Variants in MTBP observed in about 807,000 individuals in gnomAD.
MTBP encodes the protein MDM2 binding protein.
A neutral mutation model predicts 117.0 loss-of-function variants in MTBP; 101 were observed. That is an observed-to-expected ratio of 0.86 (90% CI 0.73 to 1.02). MTBP has a LOEUF of 1.02. Among genes scored for constraint, MTBP ranks in the 50% least tolerant of loss-of-function variants. The pLI is 0.00. For missense variants in MTBP, 970 were observed against 1,030.9 expected (o/e 0.94, Z 0.81); for synonymous variants, 350 against 351.5 (o/e 1.00, Z 0.05).
rs77358246 is a variant in MTBP at position 120,457,071 on chromosome 8, C to T, written c.747+401C>T. Among the ~76,000 whole-genome samples the T allele has an allele frequency of 2.1e-3, 316 of 152,244 alleles. 9 individuals carry two copies. In the East Asian group the frequency reaches 0.053, roughly 26 times the overall value. ...ATGTGTAAACTACTAGAAAAAACTA[C>T]TTAGAGCATATTGTCTTCCCATAAT... On this transcript the variant is annotated intron_variant, in intron 7 of 21. Transcript: ENST00000305949.
At chr8:120,474,955 A>G (rs1029287710) in intron 11 of MTBP, among the ~76,000 whole-genome samples, 1 of 152,108 alleles carries the variant, frequency 6.6e-6, no homozygotes, top group Non-Finnish European at 1.5e-5. Flanking sequence ...TAGCATTTAA[A>G]CATATTTGTA....
At chr8:120,492,736 A>G (rs2130587842) in intron 13 of MTBP, among the ~76,000 whole-genome samples, 1 of 152,296 alleles carries the variant, frequency 6.6e-6, no homozygotes, top group South Asian at 2.1e-4. Flanking sequence ...GTTTTTTAAA[A>G]TAACACGAAA....
At chr8:120,464,452 C>T (rs1236357819) in intron 10 of MTBP, among the ~76,000 whole-genome samples, 3 of 151,910 alleles carry the variant, frequency 2.0e-5, no homozygotes, top group African/African-American at 7.2e-5. Context: ...TCTTTATTGG[C>T]AGTACTTACA....
intron 18 of MTBP, among the ~76,000 whole-genome samples, chr8:120,517,353 A>G (rs763131990): frequency 1.3e-5 from 2 of 152,048 alleles, no homozygotes; most frequent in Non-Finnish European, 2.9e-5. Context: ...TATTAAATCT[A>G]TAAATAGCAG....
At chr8:120,485,453 T>G (rs1814193650) in intron 11 of MTBP, among the ~76,000 whole-genome samples, 1 of 152,204 alleles carries the variant, frequency 6.6e-6, no homozygotes, top group Admixed American at 6.5e-5. Context: ...ACTTTTCCAC[T>G]CCAGTGTTTC....
intron 13 of MTBP, among the ~76,000 whole-genome samples, chr8:120,496,707 CA>C (rs34444618): frequency 0.58 from 76,346 of 130,608 alleles, 22,410 homozygotes; most frequent in Non-Finnish European, 0.69. Context: ...ATGTTCCATA[CA>C]AAAAAAAAAA....
chr8:120,519,002 T>C (rs1814969008), intron 20 of MTBP, among the ~76,000 whole-genome samples, 185 bp downstream of exon 20: 3 of 152,054 alleles, frequency 2.0e-5, no homozygotes, highest in Admixed American at 2.0e-4. Context: ...AGTTCTCATA[T>C]ATAGAAAGCT....
intron 10 of MTBP, among the ~76,000 whole-genome samples, chr8:120,464,568 T>C (rs1813647880): frequency 6.6e-6 from 1 of 151,988 alleles, no homozygotes; most frequent in Non-Finnish European, 1.5e-5. Flanking sequence ...TAAAATCAAG[T>C]CTTGGTTATA....
chr8:120,501,015 C>T (rs1381986432), intron 14 of MTBP, among the ~76,000 whole-genome samples: 1 of 152,046 alleles, frequency 6.6e-6, no homozygotes, highest in East Asian at 1.9e-4. Context: ...CATGGTGAAA[C>T]CCCGTCCCTA....
chr8:120,488,263 A>G lies in MTBP; in HGVS notation c.1270A>G (p.Ile424Val), dbSNP rs1814261304. The G allele has an allele frequency of 6.3e-7, 1 of 1,587,124 alleles. No individual in the cohort carries two copies. The highest frequency in any genetic ancestry group is 8.5e-7 in the Non-Finnish European group (1 of 1,170,460). The change falls in exon 12 of 22, where the codon ATC becomes GTC. Residue 424 changes from isoleucine to valine, a missense_variant. Physicochemically the swap from Ile to Val is conservative, Grantham distance 29. Coordinates refer to ENST00000305949, the MANE Select transcript of MTBP (RefSeq NM_022045.5). ...CACATTGATTCACTCAGCCAACCAG[A>G]TCAATGGCTCATTTGCACTCAATTT... is the stretch of plus-strand genomic sequence containing the variant. ...KATLIHSANQ[I>V]NGSFALNLIH... is the part of the protein sequence containing the mutation.
chr8:120,523,302 T>C lies in MTBP; in HGVS notation c.2681T>C (p.Ile894Thr). Residue 894 changes from isoleucine to threonine, a missense_variant, in exon 22 of 22, where the codon ATT becomes ACT. Coordinates refer to ENST00000305949, the MANE Select transcript of MTBP (RefSeq NM_022045.5). ...KTANNNAVQVIDWVLEKTSKK is the reference protein window; with the variant it reads ...KTANNNAVQVTDWVLEKTSKK The stretch of plus-strand genomic sequence containing the variant: ...TCATATTTTTTCTCCCCCTAGGTGA[T>C]TGACTGGGTATTAGAAAAGACAAGC... The C allele has an allele frequency of 1.3e-6, 2 of 1,554,592 alleles. No homozygotes were observed. Among genetic ancestry groups the C allele is most frequent in the South Asian group, 1.2e-5 (1 of 82,472 alleles).
rs1563780732 is a variant in MTBP, at chr8:120,446,563, ATTAAC to A, written c.199+55_199+59del. The A allele has an allele frequency of 1.1e-5, 12 of 1,102,700 alleles. No homozygotes were observed. In the East Asian group the frequency reaches 2.6e-4, roughly 24 times the overall value. 68.3% of individuals were successfully genotyped at this position (1,102,700 alleles called of 1,614,324 possible). A position where few individuals can be genotyped will look rare whatever the true frequency, so the allele number is the denominator to read the frequency against. Reference sequence around the variant, plus strand: ...CTCTGGCACAGCATTTGTACTGGAAATTAACTTAATTAATTTGGACCCTAAGGAGT... The same window carrying A: ...CTCTGGCACAGCATTTGTACTGGAAATTAATTAATTTGGACCCTAAGGAGT... On this transcript the variant is annotated intron_variant, in intron 2 of 21. Coordinates refer to ENST00000305949, the MANE Select transcript of MTBP (RefSeq NM_022045.5).
At chr8:120,482,997 A>G (rs1024665194) in intron 11 of MTBP, among the ~76,000 whole-genome samples, 1 of 149,698 alleles carries the variant, frequency 6.7e-6, no homozygotes, top group South Asian at 2.1e-4. Context: ...CCGCACCCGG[A>G]CAGTACTATC....
In MTBP at chr8:120,517,970, G is replaced by A. The variant is rs1358735309; in HGVS notation, c.2366G>A (p.Cys789Tyr). Residue 789 changes from cysteine (C) to tyrosine (Y), a missense_variant, in exon 19 of 22, where the codon TGT (cysteine) becomes TAT (tyrosine). By Grantham distance (194) the Cys-to-Tyr change is radical. Transcript: ENST00000305949. ...ACAGAACGGTCCTTACCAGTGACTTGTCCATTGGTTCCAATTCCTAGCTGT... is the reference window on the plus strand; with the variant it reads ...ACAGAACGGTCCTTACCAGTGACTTATCCATTGGTTCCAATTCCTAGCTGT... ...PQTERSLPVTCPLVPIPSCET... is the reference protein window; with the variant it reads ...PQTERSLPVTYPLVPIPSCET... 6 of 1,612,622 alleles carry A rather than the reference G, an allele frequency of 3.7e-6. No individual in the cohort carries two copies. The highest frequency in any genetic ancestry group is 5.1e-6 in the Non-Finnish European group (6 of 1,179,126).
At position 120,517,992 on chromosome 8, in the gene MTBP, C is replaced by T. The variant is rs1379743540; in HGVS notation, c.2388C>T (p.Ser796=). 1 of 1,612,814 alleles carries T rather than the reference C, an allele frequency of 6.2e-7. No homozygotes were observed. Among genetic ancestry groups the T allele is most frequent in the African/African-American group, 1.3e-5 (1 of 74,964 alleles). The change falls in exon 19 of 22, where the codon AGC becomes AGT. Residue 796 remains serine (S), a synonymous_variant. Coordinates refer to ENST00000305949, the MANE Select transcript of MTBP (RefSeq NM_022045.5). The part of the protein sequence containing the change: ...PVTCPLVPIP[S]CETPKLATKT... ...CTTGTCCATTGGTTCCAATTCCTAGCTGTGAAACTCCAAAACTTGCTACAA... is the reference window on the plus strand; with the variant it reads ...CTTGTCCATTGGTTCCAATTCCTAGTTGTGAAACTCCAAAACTTGCTACAA...
At chr8:120,459,887 G>A (rs772924653) in intron 8 of MTBP, among the ~76,000 whole-genome samples, 5 of 152,066 alleles carry the variant, frequency 3.3e-5, no homozygotes, top group Non-Finnish European at 5.9e-5. Context: ...TTCTTGCCCT[G>A]TATCTCCTAT....
At chr8:120,502,367 G>A (rs1334478653) in intron 14 of MTBP, 125 bp from the exon 15 acceptor site, 1 of 508,524 alleles carries the variant, frequency 2.0e-6, no homozygotes, top group African/African-American at 2.0e-5. Context: ...AATGCCTAAG[G>A]TAAGTATGCC....
rs1342882058 is a variant in MTBP, at chr8:120,451,030, C to G, written c.227C>G (p.Ser76Cys). ...TGTTCAGTGGGAGGTATACCTGGTT[C>G]CAAGAAGTGGTTCTTTGCAGTGCAG... is the stretch of plus-strand genomic sequence containing the variant. ...PACSVGGIPG[S>C]KKWFFAVQAI... The change falls in exon 3 of 22, where the codon TCC becomes TGC. Residue 76 changes from serine (S) to cysteine (C), a missense_variant. Ser to Cys is a moderately radical substitution (Grantham distance 112). Transcript: ENST00000305949. 6.2e-7 allele frequency: 1 copy of G among 1,612,114 alleles called. No homozygotes were observed. The highest frequency in any genetic ancestry group is 1.1e-5 in the South Asian group (1 of 90,536).
intron 15 of MTBP, among the ~76,000 whole-genome samples, chr8:120,505,568 T>C (rs1375959831): frequency 6.6e-6 from 1 of 152,196 alleles, no homozygotes; most frequent in Non-Finnish European, 1.5e-5. Flanking sequence ...TACAGAAATA[T>C]GTTTAAAACT....
Sources: allele counts gnomAD v4.1 joint callset (sites outside exome capture counted in the v4.1 genomes callset), GRCh38; gene constraint gnomAD v4.1.1; transcripts MANE v1.5; gene names NCBI Gene and HGNC (gene_info 2026-07-23, HGNC 2026-07-21).